The following ADGRG6 variants were observed in gnomAD, a reference collection of about 807,000 sequenced individuals.
ADGRG6 encodes the protein adhesion G protein-coupled receptor G6.
In ADGRG6, 84 loss-of-function variants were observed where a neutral mutation model predicts 142.4. The observed-to-expected ratio is 0.59, with a 90% CI of 0.49 to 0.71. ADGRG6 has a LOEUF of 0.71. ADGRG6 is among the 30% of genes least tolerant of loss of function. ADGRG6 has a pLI of 0.00. For missense variants in ADGRG6, 1,367 were observed against 1,466.6 expected (o/e 0.93, Z 1.11); for synonymous variants, 521 against 520.5 (o/e 1.00, Z -0.01).
Position 142,437,673 on chromosome 6 carries a change from CAT to C in ADGRG6, c.3421+140_3421+141del, listed in dbSNP as rs890571635. The stretch of plus-strand genomic sequence containing the variant: ...GCATGTGAAGATGCGTAGTTGGAAT[CAT>C]AGAATATCAGGGCTGGAAGAGATCA... On this transcript the variant is annotated intron_variant, in intron 23 of 24. Transcript: ENST00000367609. 9.9e-6 allele frequency: 6 copies of C among 604,594 alleles called. No homozygotes were observed. The African/African-American group carries it at 1.1e-4, about 11-fold the overall frequency. 37.5% of individuals were successfully genotyped at this position (604,594 alleles called of 1,614,324 possible).
intron 10 of ADGRG6, among the ~76,000 whole-genome samples, chr6:142,399,814 A>G (rs1312378752): frequency 6.6e-6 from 1 of 152,086 alleles, no homozygotes; most frequent in Non-Finnish European, 1.5e-5. Context: ...CTGAAATACA[A>G]GAGTTTATTG....
intron 2 of ADGRG6, among the ~76,000 whole-genome samples, chr6:142,362,275 C>A (rs1364331731): frequency 6.6e-6 from 1 of 152,162 alleles, no homozygotes; most frequent in Non-Finnish European, 1.5e-5. Flanking sequence ...TGAACTCATG[C>A]TTAAGTCGTT....
chr6:142,412,958 A>AGGG (rs1776160330), intron 18 of ADGRG6, among the ~76,000 whole-genome samples: 1 of 151,914 alleles, frequency 6.6e-6, no homozygotes, highest in African/African-American at 2.4e-5. Flanking sequence ...TCCTTCATAT[A>AGGG]TTGTCTAAAT....
At chr6:142,387,014 C>T (rs1480024006) in intron 6 of ADGRG6, among the ~76,000 whole-genome samples, 8 of 152,140 alleles carry the variant, frequency 5.3e-5, no homozygotes, top group Admixed American at 4.6e-4. Context: ...GGCATTGAGT[C>T]GTCTCCTCAT....
At chr6:142,358,808 G>A (rs1403426899) in intron 2 of ADGRG6, among the ~76,000 whole-genome samples, 3 of 152,054 alleles carry the variant, frequency 2.0e-5, no homozygotes, top group African/African-American at 7.2e-5. Context: ...GGGAGGCTGA[G>A]GCAGGAGAAT....
intron 24 of ADGRG6, among the ~76,000 whole-genome samples, chr6:142,441,517 T>C (rs1016566696): frequency 6.6e-6 from 1 of 152,128 alleles, no homozygotes; most frequent in Non-Finnish European, 1.5e-5. Flanking sequence ...GAATAGCATA[T>C]ATAAAAATAC....
chr6:142,424,614 A>G (rs967216691), intron 22 of ADGRG6, among the ~76,000 whole-genome samples: 6 of 150,604 alleles, frequency 4.0e-5, no homozygotes, highest in Non-Finnish European at 5.9e-5. Context: ...TTCATCAAGG[A>G]TATTGGTCTA....
Position 142,361,992 on chromosome 6 carries a change from T to C in ADGRG6, c.104-5577T>C, listed in dbSNP as rs9496352. On this transcript the variant is annotated intron_variant, in intron 2 of 24. Coordinates refer to ENST00000367609, the MANE Select transcript of ADGRG6 (RefSeq NM_198569.3). Reference sequence around the variant, plus strand: ...GAATGATTTACAACAGTTCATTTGTTTGGATCTTCAGAAAGTATTATCTTT... The same window carrying C: ...GAATGATTTACAACAGTTCATTTGTCTGGATCTTCAGAAAGTATTATCTTT... 4.8e-3 allele frequency among the ~76,000 whole-genome samples: 731 copies of C among 152,322 alleles called. 8 individuals are homozygous for C. The highest frequency in any genetic ancestry group is 0.017 in the African/African-American group (693 of 41,564).
In ADGRG6 at chr6:142,420,064, C is replaced by T; in HGVS notation, c.3279C>T (p.Ile1093=). The stretch of plus-strand genomic sequence containing the variant: ...TCTTTGCCTGGGGACCCTTAAATAT[C>T]CCCTTCATGTACCTCTTCTCCATCT... ...FAFFAWGPLN[I]PFMYLFSIFN... The change falls in exon 22 of 25, where the codon ATC becomes ATT. Residue 1093 remains isoleucine (I), a synonymous_variant. Transcript: ENST00000367609. 1.2e-6 allele frequency: 2 copies of T among 1,612,782 alleles called. No homozygotes were observed. Among genetic ancestry groups the T allele is most frequent in the South Asian group, 1.1e-5 (1 of 91,036 alleles).
At chr6:142,404,006 A>G (rs1257617327) in intron 14 of ADGRG6, 33 bp downstream of exon 14, 3 of 1,495,462 alleles carry the variant, frequency 2.0e-6, no homozygotes, top group African/African-American at 1.4e-5. Context: ...CATTTTAATT[A>G]ATTAGTTAGA....
At chr6:142,374,230 A>G (rs1442591530) in intron 4 of ADGRG6, among the ~76,000 whole-genome samples, 4 of 152,116 alleles carry the variant, frequency 2.6e-5, no homozygotes, top group Non-Finnish European at 5.9e-5. Context: ...CATACTTTGG[A>G]CAGCACTAGA....
chr6:142,350,120 A>T (rs1780094625), intron 2 of ADGRG6, among the ~76,000 whole-genome samples: 1 of 152,222 alleles, frequency 6.6e-6, no homozygotes, highest in African/African-American at 2.4e-5. Flanking sequence ...TTTTTCATCG[A>T]TAATGTAACA....
intron 2 of ADGRG6, among the ~76,000 whole-genome samples, chr6:142,353,814 C>T (rs1048378134): frequency 5.9e-5 from 9 of 152,088 alleles, no homozygotes; most frequent in African/African-American, 2.2e-4. Context: ...CTAAAAATGA[C>T]GTCATGAAGC....
chr6:142,371,626 C>T (rs547557255), intron 4 of ADGRG6, among the ~76,000 whole-genome samples: 6 of 152,014 alleles, frequency 3.9e-5, no homozygotes, highest in African/African-American at 1.2e-4. Context: ...GCTGGGACTA[C>T]AGGTGCCCAC....
chr6:142,302,548 T>G (rs1777277892), intron 1 of ADGRG6: 1 of 526,590 alleles, frequency 1.9e-6, no homozygotes, highest in Non-Finnish European at 3.3e-6. Context: ...TGTGGCTGTT[T>G]TTTTTCCCCC....
chr6:142,392,302 G>A (rs1774933939), intron 7 of ADGRG6, among the ~76,000 whole-genome samples: 1 of 151,824 alleles, frequency 6.6e-6, no homozygotes, highest in African/African-American at 2.4e-5. Flanking sequence ...CATCATAGAA[G>A]CTTCTTTATA....
At chr6:142,365,467 C>T (rs1396367220) in intron 2 of ADGRG6, among the ~76,000 whole-genome samples, 2 of 152,092 alleles carry the variant, frequency 1.3e-5, no homozygotes, top group East Asian at 1.9e-4. Flanking sequence ...GACAGTCACA[C>T]ACCCTCTGCT....
intron 2 of ADGRG6, among the ~76,000 whole-genome samples, chr6:142,318,208 AT>A (rs1400004742): frequency 3.5e-5 from 2 of 56,710 alleles, no homozygotes; most frequent in African/African-American, 1.6e-4. Context: ...TATTATATAT[AT>A]TTATATATTA....
chr6:142,336,853 C>T (rs1343889028), intron 2 of ADGRG6, among the ~76,000 whole-genome samples: 2 of 152,102 alleles, frequency 1.3e-5, no homozygotes, highest in African/African-American at 4.8e-5. Flanking sequence ...GAGAAATGGC[C>T]CTGGGGCAAT....
Sources: allele counts gnomAD v4.1 joint callset (sites outside exome capture counted in the v4.1 genomes callset), GRCh38; gene constraint gnomAD v4.1.1; transcripts MANE v1.5; gene names NCBI Gene and HGNC (gene_info 2026-07-23, HGNC 2026-07-21).